The following MACF1 variants were observed in gnomAD, a reference collection of about 807,000 sequenced individuals.
MACF1 encodes the protein microtubule-actin cross-linking factor 1.
Under a neutral mutation model 854.8 loss-of-function variants are expected in MACF1, and 193 were observed. The observed-to-expected ratio is 0.23, with a 90% CI of 0.20 to 0.25. MACF1 has a LOEUF of 0.25. MACF1 is among the 10% of genes least tolerant of loss of function. The pLI, the probability that MACF1 is intolerant of heterozygous loss-of-function variation, is 1.00. For missense variants in MACF1, 7,722 were observed against 8,929.1 expected (o/e 0.86, Z 5.45); for synonymous variants, 3,185 against 3,226.7 (o/e 0.99, Z 0.44).
At chr1:39,408,926 G>GCCCCGC (rs1642840304) in intron 58 of MACF1, among the ~76,000 whole-genome samples, 1 of 151,498 alleles carries the variant, frequency 6.6e-6, no homozygotes. Context: ...CCTCTCCCCG[G>GCCCCGC]CCCCGCCCCC....
Position 39,333,339 on chromosome 1 carries a change from G to C in MACF1, c.6751G>C (p.Gly2251Arg). 6.2e-7 allele frequency: 1 copy of C among 1,614,126 alleles called. No homozygotes were observed. The highest frequency in any genetic ancestry group is 8.5e-7 in the Non-Finnish European group (1 of 1,180,030). ...KESQEAQNIAGGSMMMSEKTD... is the reference protein window; with the variant it reads ...KESQEAQNIARGSMMMSEKTD... The stretch of plus-strand genomic sequence containing the variant: ...AAGTCAAGAAGCACAGAACATCGCA[G>C]GTGGTAGTATGATGATGTCAGAAAA... The change falls in exon 37 of 101, where the codon GGT becomes CGT. Residue 2251 changes from glycine (G) to arginine (R), a missense_variant. Physicochemically the swap from Gly to Arg is moderately radical, Grantham distance 125. Transcript: ENST00000564288.
chr1:39,258,264 G>C (rs1180239401), intron 6 of MACF1, among the ~76,000 whole-genome samples: 1 of 152,162 alleles, frequency 6.6e-6, no homozygotes, highest in East Asian at 1.9e-4. Context: ...ACCCATTTGT[G>C]GTTTGGCCCT....
At chr1:39,155,017 A>G (rs1421564731) in intron 2 of MACF1, among the ~76,000 whole-genome samples, 2 of 152,104 alleles carry the variant, frequency 1.3e-5, no homozygotes, top group African/African-American at 4.8e-5. Context: ...ACATCTCACT[A>G]TTTGCCTTTG....
At position 39,324,333 on chromosome 1, in the gene MACF1, T is replaced by G; in HGVS notation, c.4377T>G (p.Ile1459Met). The change falls in exon 34 of 101, where the codon ATT becomes ATG. Residue 1459 changes from isoleucine (I) to methionine (M), a missense_variant. Around this residue, in one of 15 missense-constraint regions of MACF1, gnomAD observed 1,531 missense variants for 1,601.6 expected, o/e 0.96. Coordinates refer to ENST00000564288, the MANE Select transcript of MACF1 (RefSeq NM_001394062.1). ...AATCAACAGACATTGAAAAAGCTAT[T>G]TTGGAACAGCAGGTGAGAAGAAGGT... ...TKESTDIEKA[I>M]LEQQVLSEEL... The G allele has an allele frequency of 1.2e-6, 2 of 1,613,590 alleles. No individual in the cohort carries two copies. Among genetic ancestry groups the G allele is most frequent in the Non-Finnish European group, 1.7e-6 (2 of 1,179,754 alleles).
At chr1:39,484,501 A>G (rs796355803) in intron 99 of MACF1, 100 bp from the exon 100 acceptor site, 5 of 1,034,484 alleles carry the variant, frequency 4.8e-6, no homozygotes, top group African/African-American at 1.6e-5. Flanking sequence ...TTGCTTTTCA[A>G]CTAAGCAAAT....
intron 2 of MACF1, among the ~76,000 whole-genome samples, chr1:39,121,678 C>T (rs991565239): frequency 3.9e-5 from 6 of 152,160 alleles, no homozygotes; most frequent in African/African-American, 9.7e-5. Flanking sequence ...AAACTCCTGA[C>T]CTCAGGTAGT....
intron 47 of MACF1, among the ~76,000 whole-genome samples, chr1:39,359,766 C>T (rs61779276): frequency 0.16 from 24,026 of 150,594 alleles, 2,389 homozygotes; most frequent in Middle Eastern, 0.22. Context: ...GTCAGGAGAT[C>T]GAGACCATCC....
At chr1:39,161,539 TA>T (rs544607222) in intron 2 of MACF1, among the ~76,000 whole-genome samples, 52 of 151,856 alleles carry the variant, frequency 3.4e-4, no homozygotes, top group African/African-American at 1.2e-3. Flanking sequence ...ACCCTGTCTC[TA>T]AAAACAAGCA....
In MACF1 at chr1:39,274,600, T is replaced by C. The variant is rs1349901929; in HGVS notation, c.529-7608T>C. 3.9e-5 allele frequency among the ~76,000 whole-genome samples: 6 copies of C among 152,218 alleles called. No homozygotes were observed. In the East Asian group the frequency reaches 1.2e-3, roughly 29 times the overall value. On this transcript the variant is annotated intron_variant, in intron 6 of 100. Transcript: ENST00000564288. ...TTTGTATCTGGGACTTGAGCATTTG[T>C]GGATTTCAGTATCTGCGGATTTTGG...
intron 23 of MACF1, among the ~76,000 whole-genome samples, chr1:39,303,965 A>T (rs1170125469): frequency 6.6e-6 from 1 of 151,434 alleles, no homozygotes; most frequent in Non-Finnish European, 1.5e-5. Context: ...ACATGATGAA[A>T]GATTTCAGAA....
At chr1:39,359,433 C>T (rs1569687430) in intron 47 of MACF1, among the ~76,000 whole-genome samples, 169 bp downstream of exon 47, 1 of 152,126 alleles carries the variant, frequency 6.6e-6, no homozygotes, top group South Asian at 2.1e-4. Context: ...CTCTAATGAA[C>T]TTTATTCTTG....
intron 58 of MACF1, among the ~76,000 whole-genome samples, chr1:39,408,075 A>G (rs1422817187): frequency 6.6e-6 from 1 of 152,112 alleles, no homozygotes. Flanking sequence ...TCTATTTGAG[A>G]TTTGAAATAC....
At chr1:39,208,616 A>G (rs890180966) in intron 1 of MACF1, among the ~76,000 whole-genome samples, 10 of 151,644 alleles carry the variant, frequency 6.6e-5, no homozygotes, top group Admixed American at 5.9e-4. Context: ...ACCACGCCTG[A>G]CTAATTTTTT....
At chr1:39,220,046 C>T (rs750206031) in intron 1 of MACF1, among the ~76,000 whole-genome samples, 1 of 151,556 alleles carries the variant, frequency 6.6e-6, no homozygotes, top group Non-Finnish European at 1.5e-5. Flanking sequence ...AGCCACAGTG[C>T]CTGGCCTGAA....
At chr1:39,327,175 GTT>G in intron 35 of MACF1, 41 bp from the exon 36 acceptor site, 2 of 1,475,508 alleles carry the variant, frequency 1.4e-6, no homozygotes, top group South Asian at 1.3e-5. Context: ...TTTGGAGATT[GTT>G]TTTTTTTCTC....
chr1:39,337,456 C>G, intron 38 of MACF1, 125 bp downstream of exon 38: 1 of 874,602 alleles, frequency 1.1e-6, no homozygotes. Context: ...ATCTCAGACC[C>G]TTGTCAGATA....
At chr1:39,467,759 A>G (rs754070018) in intron 95 of MACF1, 10 of 152,344 alleles carry the variant, frequency 6.6e-5, no homozygotes, top group Non-Finnish European at 7.3e-5. Context: ...TCTGCTGGTG[A>G]CACTGCAATT....
At chr1:39,181,227 G>A (rs530928251) in intron 2 of MACF1, among the ~76,000 whole-genome samples, 2 of 152,226 alleles carry the variant, frequency 1.3e-5, no homozygotes, top group South Asian at 2.1e-4. Flanking sequence ...TATCTTTTTA[G>A]CATATTACTT....
At chr1:39,280,117 C>T (rs879720509) in intron 6 of MACF1, among the ~76,000 whole-genome samples, 5 of 151,766 alleles carry the variant, frequency 3.3e-5, no homozygotes, top group Admixed American at 6.6e-5. Context: ...GGAGTGGTCT[C>T]GAACTCCTGA....
Sources: allele counts gnomAD v4.1 joint callset (sites outside exome capture counted in the v4.1 genomes callset), GRCh38; gene constraint gnomAD v4.1.1; regional missense constraint gnomAD v4.1.1; transcripts MANE v1.5; gene names NCBI Gene and HGNC (gene_info 2026-07-23, HGNC 2026-07-21).